ZNF705G: variants seen among roughly 807,000 people sequenced by gnomAD.
ZNF705G encodes the protein putative zinc finger protein 705G.
Under a neutral mutation model 19.6 loss-of-function variants are expected in ZNF705G, and 23 were observed. The ratio of observed to expected loss-of-function variants is 1.17; its 90% CI spans 0.84 to 1.66. The LOEUF (loss-of-function observed/expected upper bound fraction) is 1.66, where lower values mean the gene tolerates loss of function less well. Ranked by LOEUF, ZNF705G falls within the 40% of genes most tolerant of loss-of-function variation. The pLI is 0.00. For missense variants in ZNF705G, 457 were observed against 354.4 expected, an observed-to-expected ratio of 1.29 and a Z score of -2.32; for synonymous variants, 146 against 117.7, an observed-to-expected ratio of 1.24 and a Z score of -1.56.
At position 7,357,948 on chromosome 8, in the gene ZNF705G, G is replaced by A. The variant is rs529349482; in HGVS notation, c.*28C>T. 37 of 1,607,924 alleles carry A rather than the reference G, an allele frequency of 2.3e-5. 6 individuals are homozygous for A. The African/African-American group carries it at 4.7e-4, about 20-fold the overall frequency. ...TTCCCACATAAATGGCATTCATATG[G>A]CTTTTCTCCAGTGCGTGTTCTCTCA... On this transcript the variant is annotated 3_prime_UTR_variant, in exon 7 of 7. Transcript: ENST00000400156.
At chr8:7,380,273 G>A in intron 2 of ZNF705G, among the ~76,000 whole-genome samples, 1 of 145,780 alleles carries the variant, frequency 6.9e-6, no homozygotes, top group Non-Finnish European at 1.5e-5. Context: ...CAGAGCACAG[G>A]CCCATCCCAC....
chr8:7,380,083 T>A (rs1807421099), intron 2 of ZNF705G, among the ~76,000 whole-genome samples: 1 of 143,528 alleles, frequency 7.0e-6, no homozygotes, highest in Non-Finnish European at 1.5e-5. Context: ...TGCCATTCAC[T>A]AGGGAGGCTG....
intron 1 of ZNF705G, among the ~76,000 whole-genome samples, chr8:7,383,045 A>C (rs1172455725): frequency 6.7e-6 from 1 of 148,244 alleles, no homozygotes; most frequent in Non-Finnish European, 1.5e-5. Context: ...TTGGAAAACC[A>C]CCCATTTTAG....
Position 7,361,243 on chromosome 8 carries a change from C to A in ZNF705G, c.13-7G>T, listed in dbSNP as rs748560036. Reference sequence around the variant, plus strand: ...CTTCAAAAGTCAGTTTCTTCTAAAACATCACAGACATTTTAGTTTAGACAG... The same window carrying A: ...CTTCAAAAGTCAGTTTCTTCTAAAAAATCACAGACATTTTAGTTTAGACAG... On this transcript the variant is annotated splice_region_variant and splice_polypyrimidine_tract_variant and intron_variant, in intron 3 of 6. Transcript: ENST00000400156. 1 of 1,592,508 alleles carries A rather than the reference C, an allele frequency of 6.3e-7. No individual in the cohort carries two copies. The highest frequency in any genetic ancestry group is 1.1e-5 in the South Asian group (1 of 90,706).
intron 2 of ZNF705G, among the ~76,000 whole-genome samples, chr8:7,364,694 G>A (rs1414561780): frequency 2.0e-5 from 3 of 149,494 alleles, no homozygotes; most frequent in Non-Finnish European, 4.4e-5. Flanking sequence ...CACATTTAAT[G>A]CACATTTACA....
intron 6 of ZNF705G, among the ~76,000 whole-genome samples, chr8:7,358,988 T>C (rs1326834376): frequency 1.2e-4 from 18 of 149,658 alleles, no homozygotes; most frequent in Non-Finnish European, 1.9e-4. Context: ...TATGTTGTCT[T>C]ATGTAAAATG....
chr8:7,357,716 T>G lies in ZNF705G; in HGVS notation c.*260A>C, dbSNP rs1254578039. ...ATAAAGGTAACTGAAGTATCTTCCA[T>G]GTTGATTACAGTATTTCTTCAAAAT... is the stretch of plus-strand genomic sequence containing the variant. On this transcript the variant is annotated 3_prime_UTR_variant, in exon 7 of 7. Coordinates refer to ENST00000400156, the MANE Select transcript of ZNF705G (RefSeq NM_001164457.3). 2 of 635,064 alleles carry G rather than the reference T, an allele frequency of 3.1e-6. No homozygotes were observed. The highest frequency in any genetic ancestry group is 4.0e-5 in the African/African-American group (2 of 49,572). The allele number at this position is 635,064 out of a possible 1,614,324, so 39.3% of individuals were successfully genotyped here.
intron 2 of ZNF705G, among the ~76,000 whole-genome samples, chr8:7,369,008 G>T (rs538241145): frequency 6.7e-6 from 1 of 149,768 alleles, no homozygotes; most frequent in East Asian, 1.9e-4. Context: ...CATGGCTGGG[G>T]GGAGGCAGAA....
In ZNF705G at chr8:7,359,709, A is replaced by C; in HGVS notation, c.236-8T>G. ...TAAGGGCACTTTCCCTGTCTGAAAT[A>C]ATTGAAAAATAAATTGTTACATTGG... On this transcript the variant is annotated splice_region_variant and splice_polypyrimidine_tract_variant and intron_variant, in intron 5 of 6. Transcript: ENST00000400156. 1.2e-6 allele frequency: 2 copies of C among 1,606,574 alleles called. No homozygotes were observed. Among genetic ancestry groups the C allele is most frequent in the Non-Finnish European group, 1.7e-6 (2 of 1,179,134 alleles).
At chr8:7,384,334 T>A (rs1479486955) in intron 1 of ZNF705G, among the ~76,000 whole-genome samples, 3 of 145,598 alleles carry the variant, frequency 2.1e-5, no homozygotes, top group Admixed American at 6.6e-5. Context: ...TGCTACCCAA[T>A]ACCTATCCAC....
chr8:7,366,025 C>T lies in ZNF705G; in HGVS notation c.-71-3008G>A, dbSNP rs552299956. Reference sequence around the variant, plus strand: ...ACAATGTTGAATGACATCTCAGGTGCTAGGGAAACAGCAGCTGACATTCTA... The same window carrying T: ...ACAATGTTGAATGACATCTCAGGTGTTAGGGAAACAGCAGCTGACATTCTA... On this transcript the variant is annotated intron_variant, in intron 2 of 6. Coordinates refer to ENST00000400156, the MANE Select transcript of ZNF705G (RefSeq NM_001164457.3). 1.3e-4 allele frequency among the ~76,000 whole-genome samples: 20 copies of T among 149,556 alleles called. 1 individual carries two copies. Among genetic ancestry groups the T allele is most frequent in the African/African-American group, 5.1e-4 (20 of 38,990 alleles).
rs1486146050 is a variant in ZNF705G, at chr8:7,367,246, G to C, written c.-71-4229C>G. The stretch of plus-strand genomic sequence containing the variant: ...AGAAGAGCATGAGCAGGGCAGGAGA[G>C]GGCTCTTCCCCTACCCACTAGAAAT... On this transcript the variant is annotated intron_variant, in intron 2 of 6. Coordinates refer to ENST00000400156, the MANE Select transcript of ZNF705G (RefSeq NM_001164457.3). 2.7e-5 allele frequency among the ~76,000 whole-genome samples: 4 copies of C among 149,306 alleles called. 1 individual carries two copies. Among genetic ancestry groups the C allele is most frequent in the African/African-American group, 5.2e-5 (2 of 38,746 alleles).
chr8:7,365,501 C>A (rs1806815619), intron 2 of ZNF705G, among the ~76,000 whole-genome samples: 1 of 148,636 alleles, frequency 6.7e-6, no homozygotes, highest in Admixed American at 6.6e-5. Context: ...GCCTCAGCCT[C>A]CTGAGTAGCT....
At chr8:7,384,173 A>T (rs1176271310) in intron 1 of ZNF705G, among the ~76,000 whole-genome samples, 4 of 133,704 alleles carry the variant, frequency 3.0e-5, no homozygotes, top group Non-Finnish European at 6.0e-5. Flanking sequence ...TGGTTTCAAA[A>T]CTTTTGCTCT....
intron 2 of ZNF705G, among the ~76,000 whole-genome samples, chr8:7,380,587 T>G (rs559793830): frequency 6.8e-6 from 1 of 147,042 alleles, no homozygotes; most frequent in Non-Finnish European, 1.5e-5. Flanking sequence ...CTGTCCATCA[T>G]GTTGCCATGA....
chr8:7,365,086 A>C (rs1393737892), intron 2 of ZNF705G, among the ~76,000 whole-genome samples: 1 of 149,724 alleles, frequency 6.7e-6, no homozygotes, highest in African/African-American at 2.6e-5. Flanking sequence ...GAAAGGACAA[A>C]TATTATAAGA....
At chr8:7,370,073 C>G (rs1179849573) in intron 2 of ZNF705G, among the ~76,000 whole-genome samples, 4 of 147,754 alleles carry the variant, frequency 2.7e-5, no homozygotes, top group African/African-American at 1.1e-4. Context: ...AAAGATCTGG[C>G]TAACACCGTG....
chr8:7,380,682 C>T (rs1807449770), intron 2 of ZNF705G, among the ~76,000 whole-genome samples: 1 of 146,130 alleles, frequency 6.8e-6, no homozygotes. Context: ...ACATGCCTCC[C>T]AGGGTCTTGA....
At chr8:7,368,273 T>C (rs1274100378) in intron 2 of ZNF705G, among the ~76,000 whole-genome samples, 3 of 149,528 alleles carry the variant, frequency 2.0e-5, no homozygotes, top group Non-Finnish European at 4.4e-5. Context: ...GAGTTAAGGC[T>C]ATTTTGAAGG....
Sources: gnomAD v4.1 joint callset for allele counts (sites outside exome capture counted in the v4.1 genomes callset) on GRCh38, gnomAD v4.1.1 for gene constraint, MANE v1.5 for transcripts, NCBI Gene and HGNC (gene_info 2026-07-23, HGNC 2026-07-21) for gene names.